PCDHA2: variants seen among roughly 807,000 people sequenced by gnomAD.
PCDHA2 encodes protocadherin alpha-2.
Under a neutral mutation model 66.0 loss-of-function variants are expected in PCDHA2, and 58 were observed. The observed-to-expected ratio is 0.88, with a 90% CI of 0.71 to 1.09. The LOEUF is 1.09. PCDHA2 is among the 50% of genes least tolerant of loss of function. The pLI, the probability that PCDHA2 is intolerant of heterozygous loss-of-function variation, is 0.00. For synonymous variants in PCDHA2, 634 were observed against 554.0 expected (o/e 1.14, Z -2.03); for missense variants, 1,267 against 1,242.3 (o/e 1.02, Z -0.30).
chr5:140,950,086 T>G (rs1178086288), intron 1 of PCDHA2, among the ~76,000 whole-genome samples: 1 of 151,946 alleles, frequency 6.6e-6, no homozygotes, highest in Non-Finnish European at 1.5e-5. Flanking sequence ...TATGCTATAG[T>G]TTTCATTTGT....
intron 1 of PCDHA2, among the ~76,000 whole-genome samples, chr5:140,844,226 G>A (rs1049637065): frequency 1.3e-5 from 2 of 149,336 alleles, no homozygotes; most frequent in Non-Finnish European, 3.0e-5. Flanking sequence ...AATATCTTTG[G>A]TGTTTCACTA....
At chr5:140,883,021 G>A in intron 1 of PCDHA2, 1 of 1,614,136 alleles carries the variant, frequency 6.2e-7, no homozygotes, top group Non-Finnish European at 8.5e-7. Flanking sequence ...AAGTGACGGT[G>A]TTAGAGAACG....
chr5:140,797,022 C>G lies in PCDHA2; in HGVS notation c.2058C>G (p.Ala686=), dbSNP rs1554120255. ...PKASSRAWVG[A]AGSEATLVDV... ...CCTCGTCGCGGGCGTGGGTGGGCGC[C>G]GCGGGCTCAGAGGCTACGCTGGTGG... The change falls in exon 1 of 4, where the codon GCC becomes GCG. Residue 686 remains alanine (A), a synonymous_variant. Coordinates refer to ENST00000526136, the MANE Select transcript of PCDHA2 (RefSeq NM_018905.3). The G allele has an allele frequency of 6.2e-7, 1 of 1,613,700 alleles. No individual in the cohort carries two copies. Among genetic ancestry groups the G allele is most frequent in the South Asian group, 1.1e-5 (1 of 91,086 alleles).
chr5:141,004,163 G>A (rs374407159), intron 3 of PCDHA2, among the ~76,000 whole-genome samples: 3 of 152,234 alleles, frequency 2.0e-5, no homozygotes, highest in African/African-American at 7.2e-5. Context: ...TATAGGCAAA[G>A]CCAGCCAAGT....
At chr5:140,857,699 C>T (rs1554150537) in intron 1 of PCDHA2, 1 of 1,597,158 alleles carries the variant, frequency 6.3e-7, no homozygotes, top group East Asian at 2.2e-5. Flanking sequence ...CTTGACGCTG[C>T]AGGTGTTCGT....
At chr5:140,994,325 A>G (rs879964488) in intron 3 of PCDHA2, among the ~76,000 whole-genome samples, 8 of 152,190 alleles carry the variant, frequency 5.3e-5, no homozygotes, top group African/African-American at 7.2e-5. Flanking sequence ...ACTCTCAGCA[A>G]CCATGAACAG....
At chr5:140,808,515 T>G (rs548657178) in intron 1 of PCDHA2, 3 of 1,614,118 alleles carry the variant, frequency 1.9e-6, no homozygotes, top group Admixed American at 3.3e-5. Context: ...AGTGTTTCTG[T>G]GGAGGTGGCT....
intron 1 of PCDHA2, among the ~76,000 whole-genome samples, chr5:140,939,691 G>A (rs782722243): frequency 3.5e-4 from 53 of 152,250 alleles, no homozygotes; most frequent in African/African-American, 1.2e-3. Context: ...TGTGTTGCTG[G>A]ACATTATCAT....
intron 1 of PCDHA2, chr5:140,967,008 A>C: frequency 6.2e-7 from 1 of 1,606,216 alleles, no homozygotes. Context: ...CGCATCAACC[A>C]TCTGGGTGCG....
intron 1 of PCDHA2, among the ~76,000 whole-genome samples, chr5:140,900,463 C>T (rs1319110335): frequency 6.6e-6 from 1 of 152,130 alleles, no homozygotes; most frequent in African/African-American, 2.4e-5. Flanking sequence ...TTTTAGTAGA[C>T]ACGGAGTTTC....
At chr5:141,008,108 T>C (rs2098361480) in intron 3 of PCDHA2, among the ~76,000 whole-genome samples, 1 of 152,138 alleles carries the variant, frequency 6.6e-6, no homozygotes, top group Non-Finnish European at 1.5e-5. Flanking sequence ...CTCATGAGAA[T>C]AAGTGTTTCA....
chr5:140,942,132 TG>T (rs1554214846), intron 1 of PCDHA2, among the ~76,000 whole-genome samples: 1 of 152,250 alleles, frequency 6.6e-6, no homozygotes, highest in African/African-American at 2.4e-5. Flanking sequence ...GTGATATTTG[TG>T]GCTTTACTTG....
At chr5:140,872,134 A>C (rs938546166) in intron 1 of PCDHA2, among the ~76,000 whole-genome samples, 1 of 152,112 alleles carries the variant, frequency 6.6e-6, no homozygotes, top group Non-Finnish European at 1.5e-5. Context: ...CAAAGCTAGA[A>C]TACTCCATTA....
intron 1 of PCDHA2, chr5:140,870,474 C>G: frequency 6.2e-7 from 1 of 1,614,218 alleles, no homozygotes; most frequent in South Asian, 1.1e-5. Context: ...TCGCACAGCC[C>G]GAGTACACCG....
chr5:140,830,031 T>G (rs1243555382), intron 1 of PCDHA2: 1 of 1,613,728 alleles, frequency 6.2e-7, no homozygotes, highest in Non-Finnish European at 8.5e-7. Context: ...CGCCACCGGC[T>G]GCTGGTGCTG....
At chr5:140,870,100 T>G in intron 1 of PCDHA2, 3 of 1,613,914 alleles carry the variant, frequency 1.9e-6, no homozygotes, top group Non-Finnish European at 2.5e-6. Context: ...GGCAGGTCAC[T>G]GTACAGTCTG....
chr5:140,884,276 G>A (rs2060082773), intron 1 of PCDHA2: 4 of 1,613,638 alleles, frequency 2.5e-6, no homozygotes, highest in East Asian at 2.2e-5. Flanking sequence ...GTTGTCGCTG[G>A]TGGAGAGCGG....
chr5:140,987,228 TAATA>T (rs1459014222), intron 3 of PCDHA2, among the ~76,000 whole-genome samples: 2 of 149,038 alleles, frequency 1.3e-5, no homozygotes, highest in Non-Finnish European at 3.0e-5. Flanking sequence ...AAAAAAAAAA[TAATA>T]AATAAAGAAA....
chr5:140,973,936 G>A (rs2096608372), intron 1 of PCDHA2, among the ~76,000 whole-genome samples: 1 of 152,334 alleles, frequency 6.6e-6, no homozygotes, highest in Admixed American at 6.5e-5. Context: ...AGGTTTAGCT[G>A]AATATGATGG....
Sources: allele counts gnomAD v4.1 joint callset (sites outside exome capture counted in the v4.1 genomes callset), GRCh38; gene constraint gnomAD v4.1.1; transcripts MANE v1.5; gene names NCBI Gene and HGNC (gene_info 2026-07-23, HGNC 2026-07-21).